KAZN: variants seen among roughly 807,000 people sequenced by gnomAD.
KAZN encodes the protein kazrin.
In KAZN, 40 loss-of-function variants were observed where a neutral mutation model predicts 87.4. That is an observed-to-expected ratio of 0.46 (90% CI 0.36 to 0.60). The LOEUF (loss-of-function observed/expected upper bound fraction) is 0.60, where lower values mean the gene tolerates loss of function less well. Among genes scored for constraint, KAZN ranks in the 20% least tolerant of loss-of-function variants. The pLI is 0.00. For missense variants in KAZN, 898 were observed against 1,073.9 expected, an observed-to-expected ratio of 0.84 and a Z score of 2.29; for synonymous variants, 466 against 458.3, an observed-to-expected ratio of 1.02 and a Z score of -0.22.
intron 1 of KAZN, among the ~76,000 whole-genome samples, chr1:13,918,547 T>A (rs1227426966): frequency 6.6e-6 from 1 of 152,226 alleles, no homozygotes; most frequent in Non-Finnish European, 1.5e-5. Context: ...TTACATAAAC[T>A]TAGTTGATAA....
intron 1 of KAZN, among the ~76,000 whole-genome samples, chr1:14,647,683 TTA>T (rs1680907780): frequency 6.6e-6 from 1 of 152,190 alleles, no homozygotes; most frequent in African/African-American, 2.4e-5. Context: ...TTGGCAAATT[TTA>T]TGTTTTCAAT....
Position 15,080,645 on chromosome 1 carries a change from A to G in KAZN, c.1223-13535A>G, listed in dbSNP as rs72872392. Among the ~76,000 whole-genome samples, 458 of 152,322 alleles carry G rather than the reference A, an allele frequency of 3.0e-3. 1 individual carries two copies. Among genetic ancestry groups the G allele is most frequent in the African/African-American group, 9.2e-3 (382 of 41,590 alleles). ...AGGGCAGCCATGATCGGGCCATAAA[A>G]AGTTGTTTTTTCACATTATCATGAA... On this transcript the variant is annotated intron_variant, in intron 8 of 14. Coordinates refer to ENST00000376030, the MANE Select transcript of KAZN (RefSeq NM_201628.3).
intron 1 of KAZN, among the ~76,000 whole-genome samples, chr1:14,904,847 C>T (rs779419080): frequency 5.9e-5 from 9 of 151,828 alleles, no homozygotes; most frequent in Non-Finnish European, 1.2e-4. Flanking sequence ...CTGCAAGCTC[C>T]GCCACTCGGG....
chr1:14,696,287 C>T (rs907267916), intron 1 of KAZN, among the ~76,000 whole-genome samples: 8 of 152,164 alleles, frequency 5.3e-5, no homozygotes, highest in South Asian at 2.1e-4. Context: ...AATTATTACA[C>T]GGTGTGCTAA....
chr1:13,943,438 C>G (rs973290685), intron 1 of KAZN, among the ~76,000 whole-genome samples: 3 of 151,654 alleles, frequency 2.0e-5, no homozygotes, highest in African/African-American at 7.3e-5. Context: ...GACCCCATCT[C>G]TATGTTAAAA....
At chr1:14,045,657 G>A (rs1038944584) in intron 1 of KAZN, among the ~76,000 whole-genome samples, 9 of 152,146 alleles carry the variant, frequency 5.9e-5, no homozygotes, top group Admixed American at 4.6e-4. Context: ...TATGTGTGAA[G>A]TTAGAGACTT....
At chr1:14,450,763 C>A (rs1667228508) in intron 2 of KAZN, among the ~76,000 whole-genome samples, 1 of 152,084 alleles carries the variant, frequency 6.6e-6, no homozygotes, top group African/African-American at 2.4e-5. Context: ...TTTGAAATTG[C>A]AAAGGAAAGA....
intron 1 of KAZN, among the ~76,000 whole-genome samples, chr1:13,904,623 G>A (rs1639369001): frequency 6.6e-6 from 1 of 152,200 alleles, no homozygotes. Flanking sequence ...TGCTGTTGCT[G>A]TTGGTCTTTG....
intron 1 of KAZN, among the ~76,000 whole-genome samples, chr1:14,896,851 T>C (rs1404325445): frequency 6.6e-6 from 1 of 152,086 alleles, no homozygotes; most frequent in African/African-American, 2.4e-5. Flanking sequence ...AAAAGGAAGA[T>C]TTGGGGTGCA....
At chr1:14,686,790 G>A (rs1341563920) in intron 1 of KAZN, among the ~76,000 whole-genome samples, 3 of 152,226 alleles carry the variant, frequency 2.0e-5, no homozygotes, top group African/African-American at 7.2e-5. Context: ...GAACATTTGC[G>A]GTGGGGCTGC....
At chr1:14,019,596 C>T (rs1640730870) in intron 1 of KAZN, among the ~76,000 whole-genome samples, 1 of 152,176 alleles carries the variant, frequency 6.6e-6, no homozygotes, top group Admixed American at 6.5e-5. Context: ...GCCAAGAACA[C>T]ATCTGTTGCA....
Position 14,398,187 on chromosome 1 carries a change from G to A in KAZN, c.250-200796G>A, listed in dbSNP as rs1308692289. Among the ~76,000 whole-genome samples the A allele has an allele frequency of 3.3e-5, 5 of 152,344 alleles. No homozygotes were observed. In the East Asian group the frequency reaches 9.6e-4, roughly 29 times the overall value. On this transcript the variant is annotated intron_variant, in intron 2 of 16. Transcript: ENST00000636203. The stretch of plus-strand genomic sequence containing the variant: ...TTTTATGCTGCTGAGTTTTGAGTTA[G>A]TTGGTTATGCAACAATAGCTAACTG...
chr1:14,037,683 G>T (rs1641618573), intron 1 of KAZN, among the ~76,000 whole-genome samples: 1 of 152,154 alleles, frequency 6.6e-6, no homozygotes, highest in Non-Finnish European at 1.5e-5. Flanking sequence ...AGTAAATTTG[G>T]CTTGGTGGCA....
intron 1 of KAZN, among the ~76,000 whole-genome samples, chr1:14,139,057 G>T (rs2101758991): frequency 6.6e-6 from 1 of 152,268 alleles, no homozygotes; most frequent in East Asian, 1.9e-4. Context: ...ATTCTTCATA[G>T]TAGTTGCCCA....
At chr1:14,809,271 G>T (rs898550667) in intron 1 of KAZN, among the ~76,000 whole-genome samples, 1 of 152,196 alleles carries the variant, frequency 6.6e-6, no homozygotes, top group Non-Finnish European at 1.5e-5. Flanking sequence ...TCAGTGCTGT[G>T]TGATGCAGAG....
chr1:14,962,606 C>T lies in KAZN; in HGVS notation c.418+1731C>T, dbSNP rs576484712. On this transcript the variant is annotated intron_variant, in intron 2 of 14. Coordinates refer to ENST00000376030, the MANE Select transcript of KAZN (RefSeq NM_201628.3). ...TCCCACAAGCAAGTGCTGCTGGGCT[C>T]AGGCTGTGCAAGCTGTTGTCGTTTG... Among the ~76,000 whole-genome samples the T allele has an allele frequency of 3.9e-5, 6 of 152,302 alleles. No individual in the cohort carries two copies. In the South Asian group the frequency reaches 1.2e-3, roughly 32 times the overall value.
chr1:14,729,592 C>T lies in KAZN; in HGVS notation c.226+130369C>T, dbSNP rs78476455. Among the ~76,000 whole-genome samples the T allele has an allele frequency of 3.5e-3, 527 of 152,284 alleles. 2 individuals carry two copies. The highest frequency in any genetic ancestry group is 0.011 in the African/African-American group (467 of 41,556). On this transcript the variant is annotated intron_variant, in intron 1 of 14. Transcript: ENST00000376030. ...TGTAGACCTTCAGGTTGGTCACAAA[C>T]AGTGTCTCGAGATTCCACTGGGGAA...
chr1:14,908,936 T>A (rs1489856015), intron 1 of KAZN, among the ~76,000 whole-genome samples: 1 of 151,666 alleles, frequency 6.6e-6, no homozygotes. Context: ...TGAGCTGAGA[T>A]CACACCACTG....
At chr1:15,072,780 C>T (rs565881062) in intron 8 of KAZN, among the ~76,000 whole-genome samples, 1 of 152,290 alleles carries the variant, frequency 6.6e-6, no homozygotes, top group East Asian at 1.9e-4. Context: ...GCTCCAGAGT[C>T]CATGTTCTTG....
Sources: gnomAD v4.1 joint callset for allele counts (sites outside exome capture counted in the v4.1 genomes callset) on GRCh38, gnomAD v4.1.1 for gene constraint, MANE v1.5 for transcripts, NCBI Gene and HGNC (gene_info 2026-07-23, HGNC 2026-07-21) for gene names.